Variants in RBFOX1 observed in about 807,000 individuals in gnomAD.
RBFOX1 encodes the protein RNA binding protein fox-1 homolog 1.
In RBFOX1, 8 loss-of-function variants were observed where a neutral mutation model predicts 57.7. The observed-to-expected ratio is 0.14, with a 90% CI of 0.08 to 0.25. RBFOX1 has a LOEUF of 0.25. RBFOX1 is among the 10% of genes least tolerant of loss of function. The pLI, the probability that RBFOX1 is intolerant of heterozygous loss-of-function variation, is 1.00. For synonymous variants in RBFOX1, 326 were observed against 222.4 expected (o/e 1.47, Z -4.15); for missense variants, 611 against 548.5 (o/e 1.11, Z -1.14).
At chr16:7,247,357 T>C (rs1002156585) in intron 4 of RBFOX1, among the ~76,000 whole-genome samples, 7 of 152,248 alleles carry the variant, frequency 4.6e-5, no homozygotes, top group African/African-American at 1.7e-4. Context: ...AGCCAACGGG[T>C]AGGAAAGTAC....
intron 4 of RBFOX1, among the ~76,000 whole-genome samples, chr16:7,323,392 C>G (rs1241616565): frequency 6.6e-6 from 1 of 152,178 alleles, no homozygotes; most frequent in Non-Finnish European, 1.5e-5. Flanking sequence ...CCACTGCCTT[C>G]CAGCCTGGGT....
At chr16:6,773,500 C>T (rs559096744) in intron 3 of RBFOX1, among the ~76,000 whole-genome samples, 3 of 96,768 alleles carry the variant, frequency 3.1e-5, no homozygotes, top group East Asian at 3.2e-4. Flanking sequence ...TTGTGTGTGT[C>T]TATGTGTATG....
chr16:5,698,646 T>A (rs1314274556), intron 3 of RBFOX1, among the ~76,000 whole-genome samples: 1 of 152,134 alleles, frequency 6.6e-6, no homozygotes, highest in East Asian at 1.9e-4. Context: ...AACTTACAGA[T>A]GAATGTCTGT....
At chr16:6,911,412 C>T (rs1715984258) in intron 3 of RBFOX1, among the ~76,000 whole-genome samples, 2 of 152,170 alleles carry the variant, frequency 1.3e-5, no homozygotes, top group Admixed American at 1.3e-4. Flanking sequence ...CCATGCCCCT[C>T]CCTGTGGTTG....
intron 1 of RBFOX1, among the ~76,000 whole-genome samples, chr16:6,132,268 C>G (rs1325843237): frequency 6.6e-6 from 1 of 152,048 alleles, no homozygotes; most frequent in Non-Finnish European, 1.5e-5. Context: ...ATTTCCAGCC[C>G]CCTGGCAGTT....
At chr16:6,425,166 G>A (rs1056114577) in intron 2 of RBFOX1, among the ~76,000 whole-genome samples, 1 of 152,166 alleles carries the variant, frequency 6.6e-6, no homozygotes, top group African/African-American at 2.4e-5. Flanking sequence ...AATCTGAGTA[G>A]ATAGAGGAAC....
In RBFOX1 at chr16:6,767,116, C is replaced by A. The variant is rs547526951; in HGVS notation, c.-16+112466C>A. On this transcript the variant is annotated intron_variant, in intron 3 of 15. Coordinates refer to ENST00000550418, the MANE Select transcript of RBFOX1 (RefSeq NM_018723.4). ...TATAATTGCATTTTTCTTAGGGGAC[C>A]ACCTCTCTTGCATTTTTCCTCCATA... Among the ~76,000 whole-genome samples, 4 of 152,020 alleles carry A rather than the reference C, an allele frequency of 2.6e-5. No homozygotes were observed. The South Asian group carries it at 8.3e-4, about 32-fold the overall frequency.
chr16:6,840,332 A>G (rs549996606), intron 3 of RBFOX1, among the ~76,000 whole-genome samples: 2 of 152,222 alleles, frequency 1.3e-5, no homozygotes, highest in African/African-American at 4.8e-5. Flanking sequence ...GGCCGCCTCT[A>G]ACATTCATTC....
chr16:7,661,894 G>C (rs17135053), intron 12 of RBFOX1, among the ~76,000 whole-genome samples: 1 of 152,090 alleles, frequency 6.6e-6, no homozygotes, highest in Admixed American at 6.5e-5. Flanking sequence ...TGGCAATCAG[G>C]TTACCCTACT....
At chr16:6,858,448 A>T (rs928066574) in intron 3 of RBFOX1, among the ~76,000 whole-genome samples, 2 of 152,100 alleles carry the variant, frequency 1.3e-5, no homozygotes, top group African/African-American at 4.8e-5. Context: ...CAATCTCGTT[A>T]TGGGAAGGAC....
intron 3 of RBFOX1, among the ~76,000 whole-genome samples, chr16:5,833,748 C>T (rs566843433): frequency 6.6e-6 from 1 of 152,092 alleles, no homozygotes; most frequent in South Asian, 2.1e-4. Context: ...GAAGGAGAGA[C>T]ACATTTATTT....
intron 1 of RBFOX1, among the ~76,000 whole-genome samples, chr16:6,231,615 G>C (rs888490165): frequency 6.6e-6 from 1 of 152,178 alleles, no homozygotes; most frequent in Non-Finnish European, 1.5e-5. Flanking sequence ...GTTCTGAATG[G>C]TTGATGAGAG....
chr16:5,978,084 G>C lies in RBFOX1; in HGVS notation c.351+110749G>C, dbSNP rs970306569. On this transcript the variant is annotated intron_variant, in intron 4 of 19. Coordinates refer to the RBFOX1 transcript ENST00000641259. Reference sequence around the variant, plus strand: ...TGGAAGGATCACTTGCAGGGCAGGAGTTTAAGACCAGGCTGGGCATCCTAG... The same window carrying C: ...TGGAAGGATCACTTGCAGGGCAGGACTTTAAGACCAGGCTGGGCATCCTAG... Among the ~76,000 whole-genome samples the C allele has an allele frequency of 5.3e-4, 68 of 129,422 alleles. 1 individual carries two copies. The highest frequency in any genetic ancestry group is 1.8e-3 in the African/African-American group (63 of 34,626). The allele number at this position is 129,422 out of a possible 152,430, so 84.9% of individuals were successfully genotyped here. A position where few individuals can be genotyped will look rare whatever the true frequency, so the allele number is the denominator to read the frequency against.
intron 1 of RBFOX1, among the ~76,000 whole-genome samples, chr16:5,456,945 T>C (rs574961149): frequency 7.2e-5 from 11 of 152,284 alleles, no homozygotes; most frequent in African/African-American, 2.6e-4. Context: ...CTTAGTCCGT[T>C]TGGGCTGCTA....
intron 5 of RBFOX1, among the ~76,000 whole-genome samples, chr16:7,571,855 G>A (rs978585462): frequency 6.6e-6 from 1 of 152,158 alleles, no homozygotes; most frequent in East Asian, 1.9e-4. Context: ...TAGGCCCGGC[G>A]CCGTGGCTCA....
chr16:7,275,928 A>G (rs2095431408), intron 4 of RBFOX1, among the ~76,000 whole-genome samples: 1 of 152,178 alleles, frequency 6.6e-6, no homozygotes, highest in African/African-American at 2.4e-5. Context: ...TCCCCTTAGA[A>G]GTAATCTCCA....
chr16:6,031,294 A>G (rs531721424), intron 1 of RBFOX1, among the ~76,000 whole-genome samples: 2 of 152,262 alleles, frequency 1.3e-5, no homozygotes, highest in South Asian at 4.1e-4. Context: ...CATCCTGAGA[A>G]CAGCAAGGTG....
intron 4 of RBFOX1, among the ~76,000 whole-genome samples, chr16:7,489,949 G>A (rs12596511): frequency 0.27 from 40,875 of 152,052 alleles, 6,238 homozygotes; most frequent in South Asian, 0.43. Context: ...AGTTTTTAAA[G>A]AATGTCATTC....
chr16:6,186,692 A>T (rs1265133474), intron 1 of RBFOX1, among the ~76,000 whole-genome samples: 2 of 152,144 alleles, frequency 1.3e-5, no homozygotes, highest in Non-Finnish European at 2.9e-5. Flanking sequence ...ACAAGATGGA[A>T]GCTCCATAGC....
Sources: allele counts gnomAD v4.1 joint callset (sites outside exome capture counted in the v4.1 genomes callset), GRCh38; gene constraint gnomAD v4.1.1; transcripts MANE v1.5; gene names NCBI Gene and HGNC (gene_info 2026-07-23, HGNC 2026-07-21).